Variants in ARMH3 observed in about 807,000 individuals in gnomAD.
The protein encoded by ARMH3 is armadillo-like helical domain-containing protein 3.
In ARMH3, 60 loss-of-function variants were observed where a neutral mutation model predicts 99.1. The observed-to-expected ratio is 0.61, with a 90% CI of 0.49 to 0.75. The LOEUF is 0.75. Ranked by LOEUF, ARMH3 falls within the 30% of genes least tolerant of loss-of-function variation. The pLI is 0.00. For synonymous variants in ARMH3, 285 were observed against 292.8 expected (o/e 0.97, Z 0.27); for missense variants, 679 against 843.1 (o/e 0.81, Z 2.41).
At chr10:102,030,957 T>G (rs1457062428) in intron 4 of ARMH3, among the ~76,000 whole-genome samples, 2 of 152,118 alleles carry the variant, frequency 1.3e-5, no homozygotes, top group African/African-American at 4.8e-5. Flanking sequence ...GGCTAATTTT[T>G]GTAGTTTTTT....
intron 16 of ARMH3, 60 bp downstream of exon 16, chr10:101,995,237 G>C: frequency 1.4e-6 from 2 of 1,417,168 alleles, no homozygotes; most frequent in South Asian, 2.4e-5. Context: ...GTGAGGGGAG[G>C]CAGGGAAAGA....
Position 102,009,998 on chromosome 10 carries a change from G to A in ARMH3, c.857C>T (p.Ala286Val), listed in dbSNP as rs1449619016. The change falls in exon 12 of 26, where the codon GCC (alanine) becomes GTC (valine). Residue 286 changes from alanine (A) to valine (V), a missense_variant. Physicochemically the swap from Ala to Val is moderately conservative, Grantham distance 64 (BLOSUM62 0). Around this residue, in one of 3 missense-constraint regions of ARMH3, gnomAD observed 280 missense variants for 354.6 expected, o/e 0.79. Coordinates refer to ENST00000370033, the MANE Select transcript of ARMH3 (RefSeq NM_024541.3). ...NMVGSMFIAD[A>V]HEKISVQTNE... ...TTACTGTACTGAGATTTTCTCATGG[G>A]CATCTGCTATGAACATGCTGCCCAC... The A allele has an allele frequency of 6.2e-7, 1 of 1,614,008 alleles. No individual in the cohort carries two copies. Among genetic ancestry groups the A allele is most frequent in the Non-Finnish European group, 8.5e-7 (1 of 1,179,942 alleles).
intron 23 of ARMH3, among the ~76,000 whole-genome samples, chr10:101,927,324 G>C (rs1248973742): frequency 6.6e-6 from 1 of 152,144 alleles, no homozygotes; most frequent in East Asian, 1.9e-4. Context: ...ATAATAAAGT[G>C]AGACAGTGGA....
chr10:101,888,059 CTT>C (rs36070631), intron 24 of ARMH3, among the ~76,000 whole-genome samples: 5 of 137,294 alleles, frequency 3.6e-5, no homozygotes, highest in African/African-American at 8.0e-5. Context: ...TAAATGTCTC[CTT>C]TTTTTTTTTT....
chr10:102,037,371 A>G (rs1169380501), intron 2 of ARMH3, among the ~76,000 whole-genome samples: 1 of 151,750 alleles, frequency 6.6e-6, no homozygotes, highest in Non-Finnish European at 1.5e-5. Flanking sequence ...TTTAGTAGAC[A>G]TGGGGTTTTA....
At chr10:101,997,835 G>A (rs1260088196) in intron 15 of ARMH3, among the ~76,000 whole-genome samples, 1 of 151,962 alleles carries the variant, frequency 6.6e-6, no homozygotes, top group Non-Finnish European at 1.5e-5. Context: ...TAAGAAAAAG[G>A]AAAAAGATAA....
intron 24 of ARMH3, among the ~76,000 whole-genome samples, chr10:101,879,061 C>T (rs1387530140): frequency 6.6e-6 from 1 of 152,174 alleles, no homozygotes; most frequent in African/African-American, 2.4e-5. Flanking sequence ...ATGGGCCCTT[C>T]CCAGTCTAAG....
intron 1 of ARMH3, among the ~76,000 whole-genome samples, chr10:102,055,811 G>A (rs2067835264): frequency 6.6e-6 from 1 of 152,228 alleles, no homozygotes; most frequent in Admixed American, 6.5e-5. Context: ...GGATGCGGGA[G>A]AGGGACGTGA....
chr10:101,887,058 T>C (rs879457282), intron 24 of ARMH3, among the ~76,000 whole-genome samples: 5 of 152,114 alleles, frequency 3.3e-5, no homozygotes, highest in Admixed American at 1.3e-4. Flanking sequence ...TGCTCATAAG[T>C]GAAGGGAGAG....
At chr10:102,010,152 A>G (rs1051288157) in intron 11 of ARMH3, 129 bp from the exon 12 acceptor site, 28 of 741,588 alleles carry the variant, frequency 3.8e-5, no homozygotes, top group Non-Finnish European at 6.3e-5. Flanking sequence ...ACTCTAGGCC[A>G]TAAGTCACAC....
Position 101,929,521 on chromosome 10 carries a change from C to T in ARMH3, c.1781+10342G>A, listed in dbSNP as rs76032354. Among the ~76,000 whole-genome samples the T allele has an allele frequency of 8.5e-4, 130 of 152,050 alleles. No individual in the cohort carries two copies. The East Asian group carries it at 0.024, about 28-fold the overall frequency. On this transcript the variant is annotated intron_variant, in intron 23 of 25. Transcript: ENST00000370033. ...CTTTCTCAGGAAAGAGTGTCCTCTG[C>T]AAATAAAGTTTATTGAAGTGGGTGT...
intron 20 of ARMH3, among the ~76,000 whole-genome samples, chr10:101,961,479 A>G (rs1040926077): frequency 6.6e-6 from 1 of 152,232 alleles, no homozygotes; most frequent in Non-Finnish European, 1.5e-5. Context: ...ACAAAAAAAT[A>G]TGGGTATAAA....
At chr10:102,017,447 A>G (rs2066774856) in intron 8 of ARMH3, among the ~76,000 whole-genome samples, 1 of 152,214 alleles carries the variant, frequency 6.6e-6, no homozygotes, top group Non-Finnish European at 1.5e-5. Flanking sequence ...GACATTTCAG[A>G]GAGCCCTACT....
At chr10:101,990,636 G>T (rs1846748289) in intron 18 of ARMH3, 25 bp from the exon 19 acceptor site, 1 of 1,563,610 alleles carries the variant, frequency 6.4e-7, no homozygotes, top group Non-Finnish European at 8.8e-7. Context: ...GAGAAAAACT[G>T]GATCAATTAC....
intron 23 of ARMH3, among the ~76,000 whole-genome samples, chr10:101,891,108 C>G (rs1311934138): frequency 6.6e-6 from 1 of 151,892 alleles, no homozygotes; most frequent in Non-Finnish European, 1.5e-5. Context: ...CTCCTGAGCT[C>G]AGGCAGTCCT....
chr10:102,044,503 T>G (rs904305402), intron 1 of ARMH3, among the ~76,000 whole-genome samples: 1 of 151,960 alleles, frequency 6.6e-6, no homozygotes, highest in East Asian at 1.9e-4. Context: ...CCCAAGTAGC[T>G]AGAACTATAG....
chr10:101,986,204 T>A (rs1233216246), intron 19 of ARMH3, among the ~76,000 whole-genome samples: 1 of 152,144 alleles, frequency 6.6e-6, no homozygotes, highest in Non-Finnish European at 1.5e-5. Context: ...TAGGACCCAC[T>A]GAAGTCTGTA....
chr10:101,953,419 C>T (rs1188361168), intron 22 of ARMH3, among the ~76,000 whole-genome samples: 1 of 152,118 alleles, frequency 6.6e-6, no homozygotes, highest in Admixed American at 6.5e-5. Context: ...TGCCATCATG[C>T]CTGGCTAATT....
intron 8 of ARMH3, among the ~76,000 whole-genome samples, chr10:102,018,683 C>T (rs1203738827): frequency 1.3e-5 from 2 of 152,160 alleles, no homozygotes; most frequent in Non-Finnish European, 2.9e-5. Flanking sequence ...CAGCCAGGCA[C>T]GGTGGCTCAC....
Sources: allele counts gnomAD v4.1 joint callset (sites outside exome capture counted in the v4.1 genomes callset), GRCh38; gene constraint gnomAD v4.1.1; regional missense constraint gnomAD v4.1.1; transcripts MANE v1.5; gene names NCBI Gene and HGNC (gene_info 2026-07-23, HGNC 2026-07-21).